The following CREB5 variants were observed in gnomAD, a reference collection of about 807,000 sequenced individuals.
The protein encoded by CREB5 is cAMP responsive element binding protein 5.
Under a neutral mutation model 57.1 loss-of-function variants are expected in CREB5, and 19 were observed. That is an observed-to-expected ratio of 0.33 (90% CI 0.23 to 0.49). CREB5 has a LOEUF of 0.49. Among genes scored for constraint, CREB5 ranks in the 20% least tolerant of loss-of-function variants. CREB5 has a pLI of 0.99. For missense variants in CREB5, 579 were observed against 671.6 expected (o/e 0.86, Z 1.52); for synonymous variants, 238 against 238.3 (o/e 1.00, Z 0.01).
chr7:28,759,482 C>T (rs1246275585), intron 7 of CREB5, among the ~76,000 whole-genome samples: 2 of 152,158 alleles, frequency 1.3e-5, no homozygotes, highest in East Asian at 1.9e-4. Context: ...GTGGGTTTTA[C>T]AGTAGATATG....
At chr7:28,559,713 C>T (rs1163404410) in intron 4 of CREB5, among the ~76,000 whole-genome samples, 1 of 152,212 alleles carries the variant, frequency 6.6e-6, no homozygotes. Context: ...AGTCACATTT[C>T]AACGCCTCAA....
chr7:28,543,578 TAAAAAAAAAAA>T (rs34533813), intron 4 of CREB5, among the ~76,000 whole-genome samples: 1 of 92,354 alleles, frequency 1.1e-5, no homozygotes, highest in Non-Finnish European at 2.2e-5. Flanking sequence ...TCATTTTAGG[TAAAAAAAAAAA>T]AAAAAAAAAA....
At chr7:28,453,192 C>G (rs768416073) in intron 1 of CREB5, among the ~76,000 whole-genome samples, 5 of 152,138 alleles carry the variant, frequency 3.3e-5, no homozygotes, top group Non-Finnish European at 7.3e-5. Context: ...AATCCCAGCA[C>G]TTTCGGAGGC....
chr7:28,460,912 TG>T (rs564618153), intron 1 of CREB5, among the ~76,000 whole-genome samples: 1 of 151,692 alleles, frequency 6.6e-6, no homozygotes, highest in Non-Finnish European at 1.5e-5. Context: ...GTGGATCTTA[TG>T]GGGGGGCATA....
chr7:28,717,636 C>G (rs1156998999), intron 5 of CREB5, among the ~76,000 whole-genome samples: 2 of 152,154 alleles, frequency 1.3e-5, no homozygotes, highest in South Asian at 4.1e-4. Context: ...CTGTCTGCAA[C>G]CTTTGCCCAG....
intron 4 of CREB5, among the ~76,000 whole-genome samples, chr7:28,556,316 G>A (rs1192673388): frequency 1.3e-5 from 2 of 152,190 alleles, no homozygotes; most frequent in Non-Finnish European, 2.9e-5. Context: ...ATAGGAAGCT[G>A]TGGCCTTAAA....
chr7:28,584,270 A>G (rs1796231681), intron 5 of CREB5, among the ~76,000 whole-genome samples: 1 of 152,102 alleles, frequency 6.6e-6, no homozygotes, highest in Admixed American at 6.5e-5. Context: ...GTATGTTGTC[A>G]TGATCTGAAT....
intron 5 of CREB5, among the ~76,000 whole-genome samples, chr7:28,628,157 G>A (rs572724776): frequency 6.6e-6 from 1 of 152,014 alleles, no homozygotes; most frequent in East Asian, 1.9e-4. Flanking sequence ...GCTTTTCAGG[G>A]ATGTCAGAGA....
At chr7:28,430,469 G>A (rs748252356) in intron 1 of CREB5, among the ~76,000 whole-genome samples, 1 of 152,156 alleles carries the variant, frequency 6.6e-6, no homozygotes, top group Non-Finnish European at 1.5e-5. Context: ...AAGAGGAGTC[G>A]ATGGCCATGA....
chr7:28,382,627 T>C (rs1786988126), intron 1 of CREB5, among the ~76,000 whole-genome samples: 1 of 152,078 alleles, frequency 6.6e-6, no homozygotes, highest in Non-Finnish European at 1.5e-5. Context: ...CTCCAAAGTC[T>C]TTCCTACCCT....
At chr7:28,699,230 G>A (rs1242957191) in intron 5 of CREB5, among the ~76,000 whole-genome samples, 3 of 148,998 alleles carry the variant, frequency 2.0e-5, no homozygotes, top group East Asian at 2.0e-4. Context: ...TGCCAATATC[G>A]GTTTAGAAAC....
intron 5 of CREB5, among the ~76,000 whole-genome samples, chr7:28,717,086 C>CTTTTTTTTTTTTT (rs5883165): frequency 5.4e-5 from 6 of 110,248 alleles, no homozygotes; most frequent in African/African-American, 1.4e-4. Flanking sequence ...GCTTTATATT[C>CTTTTTTTTTTTTT]TTTTTTTTTT....
intron 5 of CREB5, among the ~76,000 whole-genome samples, chr7:28,598,853 C>T (rs1016757933): frequency 1.3e-5 from 2 of 152,146 alleles, no homozygotes; most frequent in African/African-American, 4.8e-5. Context: ...GGCAGAATTA[C>T]TTCTGTGCTG....
At chr7:28,400,368 C>T (rs1290930972) in intron 1 of CREB5, among the ~76,000 whole-genome samples, 1 of 152,210 alleles carries the variant, frequency 6.6e-6, no homozygotes, top group Admixed American at 6.5e-5. Flanking sequence ...ATATAACAGG[C>T]TTGACCCAGA....
chr7:28,666,114 G>A (rs1258802313), intron 5 of CREB5, among the ~76,000 whole-genome samples: 1 of 152,158 alleles, frequency 6.6e-6, no homozygotes, highest in Non-Finnish European at 1.5e-5. Context: ...ATTGCCAAAA[G>A]TTTGGATAAT....
rs79000948 is a variant in CREB5, at chr7:28,598,477, C to T, written c.464+27940C>T. Among the ~76,000 whole-genome samples, 701 of 152,264 alleles carry T rather than the reference C, an allele frequency of 4.6e-3. 5 individuals carry two copies. The highest frequency in any genetic ancestry group is 0.016 in the African/African-American group (673 of 41,544). ...GGGTGTTTTTAAAGCTGCCATCAAG[C>T]ATCTTTGGACACTTGGCCTGTGGAT... On this transcript the variant is annotated intron_variant, in intron 5 of 10. Transcript: ENST00000357727.
intron 6 of CREB5, among the ~76,000 whole-genome samples, chr7:28,720,727 T>G (rs573949420): frequency 6.6e-6 from 1 of 152,276 alleles, no homozygotes; most frequent in Non-Finnish European, 1.5e-5. Context: ...AACAGCACCA[T>G]CAATGCAATT....
chr7:28,562,811 C>A (rs1037839553), intron 4 of CREB5, among the ~76,000 whole-genome samples: 23 of 152,322 alleles, frequency 1.5e-4, no homozygotes, highest in African/African-American at 5.5e-4. Context: ...TTGTATATTT[C>A]TCAGACCACA....
intron 1 of CREB5, among the ~76,000 whole-genome samples, chr7:28,395,908 C>T (rs1464240290): frequency 1.3e-5 from 2 of 151,972 alleles, no homozygotes; most frequent in African/African-American, 2.4e-5. Context: ...TGAATGCATG[C>T]CATTCCCTTG....
Sources: gnomAD v4.1 joint callset for allele counts (sites outside exome capture counted in the v4.1 genomes callset) on GRCh38, gnomAD v4.1.1 for gene constraint, MANE v1.5 for transcripts, NCBI Gene and HGNC (gene_info 2026-07-23, HGNC 2026-07-21) for gene names.